Variants in RHOH observed in about 807,000 individuals in gnomAD.
The protein encoded by RHOH is ras homolog family member H.
In RHOH, 6 loss-of-function variants were observed where a neutral mutation model predicts 13.8. The ratio of observed to expected loss-of-function variants is 0.44; its 90% confidence interval spans 0.24 to 0.86. The LOEUF (loss-of-function observed/expected upper bound fraction) is 0.86, where lower values mean the gene tolerates loss of function less well. Ranked by LOEUF, RHOH falls within the 40% of genes least tolerant of loss-of-function variation. The pLI, the probability that RHOH is intolerant of heterozygous loss-of-function variation, is 0.24. For synonymous variants in RHOH, 117 were observed against 103.0 expected (o/e 1.14, Z -0.82); for missense variants, 147 against 244.5 (o/e 0.60, Z 2.66).
intron 1 of RHOH, among the ~76,000 whole-genome samples, chr4:40,221,464 A>G (rs73146087): frequency 2.2e-4 from 34 of 152,240 alleles, no homozygotes; most frequent in African/African-American, 7.5e-4. Context: ...GCTCTGTCAC[A>G]TTTTGGTAAT....
At chr4:40,215,045 A>G (rs1725714067) in intron 1 of RHOH, among the ~76,000 whole-genome samples, 1 of 152,172 alleles carries the variant, frequency 6.6e-6, no homozygotes, top group African/African-American at 2.4e-5. Context: ...TAGTTGAGGG[A>G]ATCAGATTTC....
At chr4:40,194,784 A>G (rs976481031), upstream of RHOH, among the ~76,000 whole-genome samples, 4 of 152,160 alleles carry the variant, frequency 2.6e-5, no homozygotes, top group South Asian at 6.2e-4. Flanking sequence ...CACACCCTGG[A>G]GTTGCTTTTA....
Position 40,244,144 on chromosome 4 carries a change from G to T in RHOH, c.*182G>T. 1.9e-6 allele frequency: 1 copy of T among 526,228 alleles called. No individual in the cohort carries two copies. Among genetic ancestry groups the T allele is most frequent in the Non-Finnish European group, 3.4e-6 (1 of 292,668 alleles). The allele number at this position is 526,228 out of a possible 1,614,324, so 32.6% of individuals were successfully genotyped here. On this transcript the variant is annotated 3_prime_UTR_variant, in exon 3 of 3. Coordinates refer to ENST00000381799, the MANE Select transcript of RHOH (RefSeq NM_004310.5). ...TGTTTTCACTAACTACACTCTACAA[G>T]TGAACTCCTTGCCCAGGCCAGTTAG...
At chr4:40,237,526 CT>C (rs1728735486) in intron 1 of RHOH, among the ~76,000 whole-genome samples, 1 of 152,114 alleles carries the variant, frequency 6.6e-6, no homozygotes, top group African/African-American at 2.4e-5. Flanking sequence ...CTCATCCATC[CT>C]GAGAAAGGCC....
intron 1 of RHOH, among the ~76,000 whole-genome samples, chr4:40,236,843 CA>C (rs1728642023): frequency 6.6e-6 from 1 of 151,652 alleles, no homozygotes. Flanking sequence ...TATATCTCTG[CA>C]CATACACTTA....
At chr4:40,211,789 A>G (rs988939819) in intron 1 of RHOH, among the ~76,000 whole-genome samples, 1 of 146,676 alleles carries the variant, frequency 6.8e-6, no homozygotes, top group Non-Finnish European at 1.5e-5. Context: ...ATGGAAAAAG[A>G]GAGAAGATTT....
At chr4:40,194,265 G>A (rs1412440950), upstream of RHOH, among the ~76,000 whole-genome samples, 1 of 152,004 alleles carries the variant, frequency 6.6e-6, no homozygotes, top group Non-Finnish European at 1.5e-5. Context: ...GTCTCACTCT[G>A]TTGCCCAGGC....
At chr4:40,201,126 G>A (rs1005431317) in intron 1 of RHOH, among the ~76,000 whole-genome samples, 22 of 152,208 alleles carry the variant, frequency 1.4e-4, no homozygotes, top group South Asian at 8.3e-4. Flanking sequence ...TCAGTGCCTC[G>A]TTAAGTAAAT....
intron 1 of RHOH, among the ~76,000 whole-genome samples, chr4:40,197,999 A>T (rs1560678338): frequency 6.6e-6 from 1 of 152,192 alleles, no homozygotes; most frequent in Admixed American, 6.5e-5. Context: ...GTGTCCCCTT[A>T]TTGGTTCTAA....
At chr4:40,193,699 G>A (rs1288639501), upstream of RHOH, 1 of 152,330 alleles carries the variant, frequency 6.6e-6, no homozygotes, top group Non-Finnish European at 1.5e-5. Context: ...GAAGCCCAAC[G>A]CTGGACTGTA....
intron 1 of RHOH, among the ~76,000 whole-genome samples, chr4:40,229,007 G>A (rs1446338724): frequency 6.6e-6 from 1 of 152,148 alleles, no homozygotes; most frequent in East Asian, 1.9e-4. Context: ...GTCATCTCAG[G>A]GGCCTCCTTT....
chr4:40,205,570 T>C (rs17586314), intron 1 of RHOH: 27,134 of 152,178 alleles, frequency 0.18, 2,680 homozygotes, highest in East Asian at 0.39. Context: ...GTATCTGACC[T>C]GCAATTTGGG....
chr4:40,234,484 C>A (rs1373313039), intron 1 of RHOH, among the ~76,000 whole-genome samples: 1 of 151,974 alleles, frequency 6.6e-6, no homozygotes, highest in Admixed American at 6.6e-5. Flanking sequence ...GTGGAAGAGA[C>A]CAGTCAGGGC....
chr4:40,217,507 CCTCT>C (rs562066837), intron 1 of RHOH, among the ~76,000 whole-genome samples: 17 of 152,092 alleles, frequency 1.1e-4, no homozygotes, highest in African/African-American at 3.4e-4. Context: ...TTACTTTTTT[CCTCT>C]CTCTATTTTT....
intron 1 of RHOH, among the ~76,000 whole-genome samples, chr4:40,197,807 T>C (rs1723398247): frequency 6.6e-6 from 1 of 152,362 alleles, no homozygotes; most frequent in South Asian, 2.1e-4. Flanking sequence ...CTATGATGTA[T>C]AACATGTATT....
At chr4:40,223,755 T>C (rs1726877274) in intron 1 of RHOH, among the ~76,000 whole-genome samples, 1 of 149,394 alleles carries the variant, frequency 6.7e-6, no homozygotes, top group African/African-American at 2.5e-5. Flanking sequence ...ATGTATAGTG[T>C]AAACATAACT....
chr4:40,203,521 AGT>A (rs142926219), intron 1 of RHOH, among the ~76,000 whole-genome samples: 1,600 of 147,070 alleles, frequency 0.011, 20 homozygotes, highest in African/African-American at 0.034. Context: ...TATATCTGTG[AGT>A]GTGTGTGTGT....
At chr4:40,214,323 A>C (rs974945491) in intron 1 of RHOH, among the ~76,000 whole-genome samples, 1 of 152,262 alleles carries the variant, frequency 6.6e-6, no homozygotes, top group East Asian at 1.9e-4. Flanking sequence ...ACCCTCTGGT[A>C]CATTTCAATT....
upstream of RHOH, among the ~76,000 whole-genome samples, chr4:40,192,344 C>T (rs1722738595): frequency 6.6e-6 from 1 of 152,198 alleles, no homozygotes; most frequent in South Asian, 2.1e-4. Flanking sequence ...AAGCTACCCA[C>T]TGAATCTACA....
Sources: allele counts gnomAD v4.1 joint callset (sites outside exome capture counted in the v4.1 genomes callset), GRCh38; gene constraint gnomAD v4.1.1; transcripts MANE v1.5; gene names NCBI Gene and HGNC (gene_info 2026-07-23, HGNC 2026-07-21).